Variants in NOX4 observed in about 807,000 individuals in gnomAD.
NOX4 encodes the protein kidney oxidase-1.
NOX4 carries 69 observed loss-of-function variants against 87.6 expected under a neutral mutation model. The observed-to-expected ratio is 0.79, with a 90% CI of 0.65 to 0.96. The LOEUF is 0.96. NOX4 is among the 40% of genes least tolerant of loss of function. The probability of loss-of-function intolerance (pLI) is 0.00; values close to 1 mark genes in which losing one functional copy is unlikely to be tolerated. For missense variants in NOX4, 680 were observed against 681.5 expected (o/e 1.00, Z 0.02); for synonymous variants, 275 against 238.2 (o/e 1.15, Z -1.42).
At chr11:89,388,159 A>C (rs529946581) in intron 11 of NOX4, among the ~76,000 whole-genome samples, 3 of 152,306 alleles carry the variant, frequency 2.0e-5, no homozygotes, top group African/African-American at 7.2e-5. Flanking sequence ...AGTTTTAAAA[A>C]TGGAGAATTA....
chr11:89,434,120 A>G (rs984838957), intron 6 of NOX4, among the ~76,000 whole-genome samples: 14 of 152,086 alleles, frequency 9.2e-5, no homozygotes, highest in Non-Finnish European at 1.6e-4. Flanking sequence ...AAGGTCTGTC[A>G]TAGACTATGA....
intron 11 of NOX4, among the ~76,000 whole-genome samples, chr11:89,389,036 A>T (rs572061161): frequency 1.3e-5 from 2 of 152,336 alleles, no homozygotes; most frequent in Admixed American, 6.5e-5. Context: ...TAGAGCATAC[A>T]GGTCTCCATC....
chr11:89,471,823 C>A (rs1408131783), intron 2 of NOX4, among the ~76,000 whole-genome samples: 1 of 152,162 alleles, frequency 6.6e-6, no homozygotes, highest in Non-Finnish European at 1.5e-5. Context: ...CTCACTGCAA[C>A]CTCCGCCTCC....
chr11:89,390,725 A>G (rs1941063544), intron 11 of NOX4, among the ~76,000 whole-genome samples: 1 of 152,068 alleles, frequency 6.6e-6, no homozygotes, highest in African/African-American at 2.4e-5. Flanking sequence ...TGAGGTGAAA[A>G]ATGACTTCAT....
At chr11:89,470,424 G>GATGA (rs372500876) in intron 2 of NOX4, among the ~76,000 whole-genome samples, 25 of 152,096 alleles carry the variant, frequency 1.6e-4, no homozygotes, top group South Asian at 6.2e-4. Flanking sequence ...ATATATGGTG[G>GATGA]ATGAATGAAT....
At chr11:89,566,913 T>G in the NOX4 span, among the ~76,000 whole-genome samples, 3 of 151,990 alleles carry the variant, frequency 2.0e-5, no homozygotes, top group Non-Finnish European at 4.4e-5. Flanking sequence ...CCCCGTGACC[T>G]CCATATACAT....
chr11:89,364,480 C>A (rs1192995194), intron 12 of NOX4, among the ~76,000 whole-genome samples: 1 of 151,910 alleles, frequency 6.6e-6, no homozygotes, highest in Non-Finnish European at 1.5e-5. Flanking sequence ...ATAAAACTAT[C>A]TTTTTTGCAA....
At chr11:89,564,161 G>A in the NOX4 span, among the ~76,000 whole-genome samples, 1 of 152,080 alleles carries the variant, frequency 6.6e-6, no homozygotes, top group East Asian at 1.9e-4. Context: ...TGCAAATCCT[G>A]AACTGTATTA....
intron 6 of NOX4, 120 bp from the exon 7 acceptor site, chr11:89,432,976 A>T: frequency 1.5e-6 from 1 of 668,192 alleles, no homozygotes; most frequent in Admixed American, 2.4e-5. Context: ...TTCAAATCCC[A>T]CATCTACATG....
At position 89,490,548 on chromosome 11, in the gene NOX4, G is replaced by A; in HGVS notation, c.63C>T (p.Ile21=). ...AAAGCAGGACATTCATGGAGAGCCA[G>A]ATGAACTAAACCAATCAGACATGAG... is the stretch of plus-strand genomic sequence containing the variant. ...NEGVKHLCLF[I]WLSMNVLLFW... Residue 21 remains isoleucine (I), a synonymous_variant, in exon 2 of 18, where the codon ATC becomes ATT. Transcript: ENST00000263317. 6.2e-7 allele frequency: 1 copy of A among 1,613,334 alleles called. No homozygotes were observed. The highest frequency in any genetic ancestry group is 1.3e-5 in the African/African-American group (1 of 75,020).
At chr11:89,545,444 A>G in the NOX4 span, 5 of 152,208 alleles carry the variant, frequency 3.3e-5, no homozygotes, top group Non-Finnish European at 5.9e-5. Flanking sequence ...GATTATAAAA[A>G]TAATATATGA....
chr11:89,458,370 T>G (rs1945299814), intron 2 of NOX4, among the ~76,000 whole-genome samples: 1 of 152,138 alleles, frequency 6.6e-6, no homozygotes, highest in South Asian at 2.1e-4. Context: ...GAAGATAACC[T>G]GGTAAAAATA....
At chr11:89,582,250 C>G in the NOX4 span, among the ~76,000 whole-genome samples, 1 of 152,022 alleles carries the variant, frequency 6.6e-6, no homozygotes. Flanking sequence ...TAAACACACA[C>G]TATATATTCC....
intron 8 of NOX4, among the ~76,000 whole-genome samples, chr11:89,420,972 T>C (rs922305036): frequency 1.3e-5 from 2 of 152,220 alleles, no homozygotes; most frequent in Admixed American, 6.5e-5. Context: ...TACAGGTTCC[T>C]GTGGAGTACG....
the NOX4 span, among the ~76,000 whole-genome samples, chr11:89,579,944 T>C: frequency 6.6e-6 from 1 of 151,938 alleles, no homozygotes; most frequent in Non-Finnish European, 1.5e-5. Flanking sequence ...AGAAGATATG[T>C]AAATTGATTA....
chr11:89,413,304 A>G (rs1472843897), intron 8 of NOX4, among the ~76,000 whole-genome samples: 2 of 152,168 alleles, frequency 1.3e-5, no homozygotes, highest in Non-Finnish European at 2.9e-5. Context: ...GAACTACCAT[A>G]TGACCCAGCA....
intron 4 of NOX4, among the ~76,000 whole-genome samples, chr11:89,444,701 G>C (rs1944613507): frequency 6.6e-6 from 1 of 151,862 alleles, no homozygotes; most frequent in African/African-American, 2.4e-5. Flanking sequence ...TAAATTATAG[G>C]CCACTGAAAG....
intron 2 of NOX4, among the ~76,000 whole-genome samples, chr11:89,475,045 C>T (rs2135454130): frequency 6.8e-6 from 1 of 146,834 alleles, no homozygotes; most frequent in Non-Finnish European, 1.5e-5. Context: ...TTTATTTATT[C>T]AGTGAAATAT....
chr11:89,398,595 T>C (rs1941640315), intron 11 of NOX4, among the ~76,000 whole-genome samples: 1 of 151,310 alleles, frequency 6.6e-6, no homozygotes, highest in Admixed American at 6.6e-5. Context: ...ATGTTACCAA[T>C]TTCATGTATA....
Sources: allele counts gnomAD v4.1 joint callset (sites outside exome capture counted in the v4.1 genomes callset), GRCh38; gene constraint gnomAD v4.1.1; transcripts MANE v1.5; gene names NCBI Gene and HGNC (gene_info 2026-07-23, HGNC 2026-07-21).